ASPRV1: variants seen among roughly 807,000 people sequenced by gnomAD.
The protein encoded by ASPRV1 is aspartic peptidase retroviral like 1.
ASPRV1 carries 7 observed loss-of-function variants against 11.0 expected under a neutral mutation model. The observed-to-expected ratio is 0.64, with a 90% CI of 0.36 to 1.20. The LOEUF (loss-of-function observed/expected upper bound fraction) is 1.20, where lower values mean the gene tolerates loss of function less well. ASPRV1 is among the 50% of genes most tolerant of loss of function. ASPRV1 has a pLI of 0.02. For missense variants in ASPRV1, 299 were observed against 320.0 expected, an observed-to-expected ratio of 0.93 and a Z score of 0.50; for synonymous variants, 136 against 138.4, an observed-to-expected ratio of 0.98 and a Z score of 0.12.
At chr2:70,006,030 T>A in the ASPRV1 span, among the ~76,000 whole-genome samples, 3,685 of 152,302 alleles carry the variant, frequency 0.024, 139 homozygotes, top group African/African-American at 0.083. Context: ...CAGGCTGTCC[T>A]GTGCATTGTA....
At chr2:69,950,856 T>C in the ASPRV1 span, among the ~76,000 whole-genome samples, 184 of 140,954 alleles carry the variant, frequency 1.3e-3, no homozygotes, top group African/African-American at 5.0e-3. Context: ...AATAAATAAA[T>C]AAATAAATAA....
chr2:69,943,774 G>T, the ASPRV1 span, among the ~76,000 whole-genome samples: 1,289 of 152,216 alleles, frequency 8.5e-3, 18 homozygotes, highest in African/African-American at 0.028. Context: ...TCTCATTGGC[G>T]CTCAAGTCCT....
chr2:69,981,170 T>C, the ASPRV1 span, among the ~76,000 whole-genome samples: 1 of 152,354 alleles, frequency 6.6e-6, no homozygotes, highest in South Asian at 2.1e-4. Flanking sequence ...ATCAGAGAAA[T>C]AGATGGACAT....
At position 69,961,337 on chromosome 2, in the gene ASPRV1, G is replaced by A. The variant is rs770086020; in HGVS notation, c.100C>T (p.His34Tyr). ...AGGTCATTGATGACTTCAAAGCTGT[G>A]CAGCCAGAGGTTTGGGACGACATTG... ...GANVVPNLWLHSFEVINDLNH... is the reference protein window; with the variant it reads ...GANVVPNLWLYSFEVINDLNH... The change falls in exon 1 of 1, where the codon CAC becomes TAC. Residue 34 changes from histidine (H) to tyrosine (Y), a missense_variant. Coordinates refer to ENST00000320256, the MANE Select transcript of ASPRV1 (RefSeq NM_152792.4). The A allele has an allele frequency of 6.2e-6, 10 of 1,614,038 alleles. No homozygotes were observed. In the African/African-American group the frequency reaches 1.2e-4, roughly 19 times the overall value.
the ASPRV1 span, chr2:70,068,980 C>T: frequency 6.8e-6 from 1 of 146,904 alleles, no homozygotes; most frequent in African/African-American, 2.5e-5. Flanking sequence ...GCCTTTCCTT[C>T]GTCAGTAAAC....
the ASPRV1 span, chr2:70,031,371 A>G: frequency 6.6e-6 from 1 of 152,092 alleles, no homozygotes; most frequent in Non-Finnish European, 1.5e-5. Flanking sequence ...GCAAAATTCC[A>G]CATCAAATTT....
At chr2:70,085,228 TC>T in the ASPRV1 span, among the ~76,000 whole-genome samples, 1 of 151,806 alleles carries the variant, frequency 6.6e-6, no homozygotes, top group East Asian at 1.9e-4. Flanking sequence ...AACCATTTGC[TC>T]CCCCAGAGGC....
the ASPRV1 span, among the ~76,000 whole-genome samples, chr2:70,068,290 G>A: frequency 2.6e-5 from 4 of 152,242 alleles, no homozygotes; most frequent in Non-Finnish European, 4.4e-5. Context: ...GGCAGCTCTG[G>A]AGTGCTGAGG....
the ASPRV1 span, among the ~76,000 whole-genome samples, chr2:69,952,924 T>C: frequency 6.6e-6 from 1 of 152,170 alleles, no homozygotes. Context: ...TCCCCTTTCT[T>C]ACTAGCTGGC....
At chr2:69,935,457 C>T in the ASPRV1 span, 1 of 1,608,728 alleles carries the variant, frequency 6.2e-7, no homozygotes, top group Non-Finnish European at 8.5e-7. Context: ...AGCCAAATTG[C>T]ACATAAAGGT....
downstream of ASPRV1, among the ~76,000 whole-genome samples, chr2:69,955,837 G>C (rs956621817): frequency 2.6e-5 from 4 of 152,222 alleles, no homozygotes; most frequent in Non-Finnish European, 4.4e-5. Flanking sequence ...ATAATAGAGA[G>C]AGGGAGAGAG....
upstream of ASPRV1, chr2:69,964,386 G>C (rs1410251544): frequency 2.2e-6 from 1 of 451,846 alleles, no homozygotes; most frequent in Admixed American, 2.4e-5. Context: ...GCTGGAAGGA[G>C]TTGGCATCAG....
At chr2:69,945,305 AG>A in the ASPRV1 span, among the ~76,000 whole-genome samples, 2 of 152,252 alleles carry the variant, frequency 1.3e-5, no homozygotes, top group Non-Finnish European at 2.9e-5. Flanking sequence ...CTAAAATAAA[AG>A]TTGGAATTAT....
the ASPRV1 span, among the ~76,000 whole-genome samples, chr2:69,999,655 CA>C: frequency 0.23 from 12,327 of 54,206 alleles, 763 homozygotes; most frequent in African/African-American, 0.38. Context: ...GACTCTGTCT[CA>C]AAAAAAAAAA....
the ASPRV1 span, among the ~76,000 whole-genome samples, chr2:69,983,642 C>G: frequency 1.3e-5 from 2 of 152,098 alleles, no homozygotes; most frequent in Non-Finnish European, 2.9e-5. Flanking sequence ...GGTAGGGGAG[C>G]AGTAATTACA....
the ASPRV1 span, among the ~76,000 whole-genome samples, chr2:70,013,812 C>T: frequency 6.6e-6 from 1 of 152,148 alleles, no homozygotes; most frequent in Non-Finnish European, 1.5e-5. Context: ...GCCTGGGAGG[C>T]GAAGACTACA....
At chr2:69,963,759 G>A (rs72910674), upstream of ASPRV1, among the ~76,000 whole-genome samples, 1,159 of 152,264 alleles carry the variant, frequency 7.6e-3, 15 homozygotes, top group African/African-American at 0.027. Flanking sequence ...ATAACAACCT[G>A]GGAAGAAGAC....
the ASPRV1 span, among the ~76,000 whole-genome samples, chr2:70,027,157 C>G: frequency 6.9e-6 from 1 of 145,446 alleles, no homozygotes; most frequent in Non-Finnish European, 1.5e-5. Flanking sequence ...ACGCAGGAGG[C>G]TGATGTGGGA....
At position 69,961,209 on chromosome 2, in the gene ASPRV1, G is replaced by T; in HGVS notation, c.228C>A (p.Asp76Glu). Residue 76 changes from aspartate (D) to glutamate (E), a missense_variant, in exon 1 of 1, where the codon GAC (aspartate) becomes GAA (glutamate). Asp to Glu is a conservative substitution (Grantham distance 45). Coordinates refer to ENST00000320256, the MANE Select transcript of ASPRV1 (RefSeq NM_152792.4). Reference protein sequence around the residue: ...YNRLSPQDQGDYGTVKEALLK... With the variant: ...YNRLSPQDQGEYGTVKEALLK... Reference sequence around the variant, plus strand: ...GGAGGGCCTCTTTCACAGTCCCATAGTCTCCCTGGTCCTGGGGACTGAGCC... The same window carrying T: ...GGAGGGCCTCTTTCACAGTCCCATATTCTCCCTGGTCCTGGGGACTGAGCC... 6.2e-7 allele frequency: 1 copy of T among 1,614,080 alleles called. No homozygotes were observed. Among genetic ancestry groups the T allele is most frequent in the Non-Finnish European group, 8.5e-7 (1 of 1,179,958 alleles).
Sources: gnomAD v4.1 joint callset for allele counts (sites outside exome capture counted in the v4.1 genomes callset) on GRCh38, gnomAD v4.1.1 for gene constraint, MANE v1.5 for transcripts, NCBI Gene and HGNC (gene_info 2026-07-23, HGNC 2026-07-21) for gene names.